The following NFIC variants were observed in gnomAD, a reference collection of about 807,000 sequenced individuals.
NFIC encodes nuclear factor 1 C-type.
A neutral mutation model predicts 54.4 loss-of-function variants in NFIC; 12 were observed. The observed-to-expected ratio is 0.22, with a 90% CI of 0.14 to 0.36. The LOEUF is 0.36. NFIC is among the 10% of genes least tolerant of loss of function. The pLI is 1.00. For missense variants in NFIC, 575 were observed against 718.2 expected, an observed-to-expected ratio of 0.80 and a Z score of 2.28; for synonymous variants, 322 against 319.2, an observed-to-expected ratio of 1.01 and a Z score of -0.09.
In NFIC at chr19:3,464,499, G is replaced by A; in HGVS notation, c.*1730G>A. The A allele has an allele frequency of 5.2e-6, 5 of 966,298 alleles. No homozygotes were observed. Among genetic ancestry groups the A allele is most frequent in the South Asian group, 4.9e-5 (1 of 20,568 alleles). 59.9% of individuals were successfully genotyped at this position (966,298 alleles called of 1,614,324 possible). A position where few individuals can be genotyped will look rare whatever the true frequency, so the allele number is the denominator to read the frequency against. ...GGGTGTTAGGTGTTTTAGGGCCACCGAGCTCAAACACAAGGACCCCTCCCC... is the reference window on the plus strand; with the variant it reads ...GGGTGTTAGGTGTTTTAGGGCCACCAAGCTCAAACACAAGGACCCCTCCCC... On this transcript the variant is annotated 3_prime_UTR_variant, in exon 11 of 11. Transcript: ENST00000443272.
In NFIC at chr19:3,392,596, G is replaced by C. The variant is rs959775754; in HGVS notation, c.562+10353G>C. On this transcript the variant is annotated intron_variant, in intron 2 of 10. Transcript: ENST00000443272. ...CCGGCCCTCCCAGAGCCAGTGGGAG[G>C]GGGAGGCGCCTTGTTGCACCTGTGA... Among the ~76,000 whole-genome samples the C allele has an allele frequency of 1.2e-4, 18 of 152,316 alleles. 1 individual carries two copies. In the East Asian group the frequency reaches 3.3e-3, roughly 28 times the overall value.
At position 3,458,585 on chromosome 19, in the gene NFIC, C is replaced by T. The variant is rs1053021856; in HGVS notation, c.1509+1950C>T. ...ATCCCTATCTTGACTGGCTGGACTC[C>T]TCTGGGGACCCAGAAAGGGTGGGAC... On this transcript the variant is annotated intron_variant, in intron 10 of 10. Transcript: ENST00000443272. The surrounding 1 kb of genome is among the most constrained non-coding windows in gnomAD (Gnocchi z 4.1). Among the ~76,000 whole-genome samples the T allele has an allele frequency of 2.0e-5, 3 of 151,792 alleles. No individual in the cohort carries two copies. Among genetic ancestry groups the T allele is most frequent in the African/African-American group, 7.3e-5 (3 of 41,266 alleles).
Position 3,463,584 on chromosome 19 carries a change from C to A in NFIC, c.*815C>A, listed in dbSNP as rs1037272961. 5 of 985,094 alleles carry A rather than the reference C, an allele frequency of 5.1e-6. No individual in the cohort carries two copies. The African/African-American group carries it at 7.0e-5, about 14-fold the overall frequency. The allele number at this position is 985,094 out of a possible 1,614,324, so 61.0% of individuals were successfully genotyped here. Reference sequence around the variant, plus strand: ...GACTCTTTCAGCCCTCGCGCCCGCCCGTTTGGGAGGAGAAGTCTCTATGCA... The same window carrying A: ...GACTCTTTCAGCCCTCGCGCCCGCCAGTTTGGGAGGAGAAGTCTCTATGCA... On this transcript the variant is annotated 3_prime_UTR_variant, in exon 11 of 11. Coordinates refer to ENST00000443272, the MANE Select transcript of NFIC (RefSeq NM_001245002.2).
rs781703569 is a variant in NFIC at position 3,392,067 on chromosome 19, C to CTTTT, written c.562+9843_562+9846dup. Among the ~76,000 whole-genome samples the CTTTT allele has an allele frequency of 2.0e-3, 200 of 101,300 alleles. 2 individuals are homozygous for CTTTT. The highest frequency in any genetic ancestry group is 4.2e-3 in the African/African-American group (97 of 23,018). 66.5% of individuals were successfully genotyped at this position (101,300 alleles called of 152,430 possible). On this transcript the variant is annotated intron_variant, in intron 2 of 10. Transcript: ENST00000443272. Reference sequence around the variant, plus strand: ...TAGCAATTTAAATGAGATAATAGCTCTTTTTTTTTTTTTTTTTTTTTTGAG... The same window carrying CTTTT: ...TAGCAATTTAAATGAGATAATAGCTCTTTTTTTTTTTTTTTTTTTTTTTTTTGAG...
At chr19:3,399,497 G>C (rs1328612054) in intron 2 of NFIC, among the ~76,000 whole-genome samples, 2 of 152,148 alleles carry the variant, frequency 1.3e-5, no homozygotes, top group Non-Finnish European at 2.9e-5. Flanking sequence ...GATTGCTCAA[G>C]TCTGGGAGGT....
In NFIC at chr19:3,454,204, C is replaced by T. The variant is rs182998419; in HGVS notation, c.1423+288C>T. The T allele has an allele frequency of 2.9e-4, 359 of 1,230,726 alleles. 3 individuals are homozygous for T. The East Asian group carries it at 0.012, about 41-fold the overall frequency. The allele number at this position is 1,230,726 out of a possible 1,614,324, so 76.2% of individuals were successfully genotyped here. On this transcript the variant is annotated intron_variant, in intron 9 of 10. Transcript: ENST00000443272. The stretch of plus-strand genomic sequence containing the variant: ...GGTGCCCGCCGTGGGCCGTCAGAAA[C>T]CCTCCCTGGTATGTCAGGCAGCTGA...
At chr19:3,425,636 T>C (rs988339893) in intron 3 of NFIC, among the ~76,000 whole-genome samples, 1 of 152,024 alleles carries the variant, frequency 6.6e-6, no homozygotes, top group African/African-American at 2.4e-5. Context: ...ATTTTTGTAT[T>C]TTTAGTAGAG....
At position 3,466,530 on chromosome 19, in the gene NFIC, G is replaced by A. The variant is rs925344329; in HGVS notation, c.*3761G>A. On this transcript the variant is annotated 3_prime_UTR_variant, in exon 11 of 11. Coordinates refer to ENST00000443272, the MANE Select transcript of NFIC (RefSeq NM_001245002.2). This position sits in a 1 kb window ranked among gnomAD's most constrained non-coding sequence, Gnocchi z 4.8. ...TTTCTTCCAAAAAGTCACCTCAGCA[G>A]CCTCCCCAGGCGATACAGAGGGAGA... is the stretch of plus-strand genomic sequence containing the variant. 2 of 152,182 alleles carry A rather than the reference G, an allele frequency of 1.3e-5. No individual in the cohort carries two copies. Among genetic ancestry groups the A allele is most frequent in the African/African-American group, 4.8e-5 (2 of 41,422 alleles). 9.4% of individuals were successfully genotyped at this position (152,182 alleles called of 1,614,324 possible).
chr19:3,380,179 T>G (rs1355851685), intron 1 of NFIC, among the ~76,000 whole-genome samples: 1 of 149,420 alleles, frequency 6.7e-6, no homozygotes, highest in African/African-American at 2.5e-5. Flanking sequence ...TTTTTTGTTT[T>G]TTTTTCAGTA....
At chr19:3,420,371 T>G (rs1322580412) in intron 2 of NFIC, among the ~76,000 whole-genome samples, 1 of 151,694 alleles carries the variant, frequency 6.6e-6, no homozygotes, top group African/African-American at 2.4e-5. Context: ...TGAAACCCTA[T>G]CTCTACTAAA....
chr19:3,382,496 T>G (rs2081228499), intron 2 of NFIC, among the ~76,000 whole-genome samples: 1 of 141,856 alleles, frequency 7.0e-6, no homozygotes, highest in South Asian at 2.2e-4. Flanking sequence ...ATATGTAAAG[T>G]AGGTGATATG....
At chr19:3,398,705 G>T (rs1414340363) in intron 2 of NFIC, among the ~76,000 whole-genome samples, 1 of 152,188 alleles carries the variant, frequency 6.6e-6, no homozygotes, top group Non-Finnish European at 1.5e-5. Flanking sequence ...CCCACAGACA[G>T]CCCGGGACAG....
Position 3,464,256 on chromosome 19 carries a change from C to T in NFIC, c.*1487C>T, listed in dbSNP as rs986652794. 6 of 985,250 alleles carry T rather than the reference C, an allele frequency of 6.1e-6. No homozygotes were observed. The African/African-American group carries it at 7.0e-5, about 11-fold the overall frequency. The allele number at this position is 985,250 out of a possible 1,614,324, so 61.0% of individuals were successfully genotyped here. ...AGAGGAGGCCGACGCCAGCGGTCCCCGCTCGGAACGGGGAGGGTTTTCGGG... is the reference window on the plus strand; with the variant it reads ...AGAGGAGGCCGACGCCAGCGGTCCCTGCTCGGAACGGGGAGGGTTTTCGGG... On this transcript the variant is annotated 3_prime_UTR_variant, in exon 11 of 11. Transcript: ENST00000443272.
chr19:3,445,199 A>G (rs773869709), intron 6 of NFIC, among the ~76,000 whole-genome samples: 5 of 151,524 alleles, frequency 3.3e-5, no homozygotes, highest in Non-Finnish European at 5.9e-5. Flanking sequence ...GCATGTATTC[A>G]CATGCACACA....
At chr19:3,422,796 A>T (rs1266346904) in intron 2 of NFIC, among the ~76,000 whole-genome samples, 1 of 152,088 alleles carries the variant, frequency 6.6e-6, no homozygotes, top group Non-Finnish European at 1.5e-5. Flanking sequence ...CAGGTGTCTG[A>T]TCCCAGCACA....
intron 2 of NFIC, among the ~76,000 whole-genome samples, chr19:3,401,542 A>G (rs1228511728): frequency 6.6e-6 from 1 of 152,156 alleles, no homozygotes; most frequent in Non-Finnish European, 1.5e-5. Context: ...GCCTGGGCAC[A>G]TGCAGGGAAG....
intron 2 of NFIC, among the ~76,000 whole-genome samples, chr19:3,404,556 C>T (rs552099320): frequency 4.2e-4 from 64 of 152,078 alleles, no homozygotes; most frequent in African/African-American, 1.5e-3. Context: ...CCAGTGGTGC[C>T]CCAGAGGCTC....
chr19:3,426,727 C>T (rs1272300145), intron 3 of NFIC, among the ~76,000 whole-genome samples: 3 of 152,164 alleles, frequency 2.0e-5, no homozygotes, highest in African/African-American at 7.2e-5. Flanking sequence ...GCCACACAGA[C>T]CTCCTCGCCG....
At position 3,369,377 on chromosome 19, in the gene NFIC, C is replaced by CCT. The variant is rs935929494; in HGVS notation, c.30+2720_30+2721dup. Among the ~76,000 whole-genome samples, 1 of 152,040 alleles carries CCT rather than the reference C, an allele frequency of 6.6e-6. No individual in the cohort carries two copies. Among genetic ancestry groups the CCT allele is most frequent in the Non-Finnish European group, 1.5e-5 (1 of 67,986 alleles). On this transcript the variant is annotated intron_variant, in intron 1 of 10. Coordinates refer to ENST00000443272, the MANE Select transcript of NFIC (RefSeq NM_001245002.2). This position sits in a 1 kb window ranked among gnomAD's most constrained non-coding sequence, Gnocchi z 4.3. ...CTATCTCTGCATGTGTCTCCTTACT[C>CCT]CTCTCTCTCTGTCTCTCTCTGTCTC...
Sources: gnomAD v4.1 joint callset for allele counts (sites outside exome capture counted in the v4.1 genomes callset) on GRCh38, gnomAD v4.1.1 for gene constraint, Gnocchi (gnomAD v3.1) non-coding constraint, MANE v1.5 for transcripts, NCBI Gene and HGNC (gene_info 2026-07-23, HGNC 2026-07-21) for gene names.